Variants in RAVER1 observed in about 807,000 individuals in gnomAD.
RAVER1 encodes the protein ribonucleoprotein, PTB binding 1, also known as ribonucleoprotein PTB-binding 1.
RAVER1 carries 36 observed loss-of-function variants against 68.4 expected under a neutral mutation model. The ratio of observed to expected loss-of-function variants is 0.53; its 90% CI spans 0.40 to 0.70. The LOEUF (loss-of-function observed/expected upper bound fraction) is 0.70. Among genes scored for constraint, RAVER1 ranks in the 30% least tolerant of loss-of-function variants. The pLI is 0.00. For missense variants in RAVER1, 933 were observed against 1,019.8 expected (o/e 0.91, Z 1.16); for synonymous variants, 469 against 472.7 (o/e 0.99, Z 0.10).
Position 10,328,920 on chromosome 19 carries a change from G to A in RAVER1, c.478C>T (p.Arg160Cys), listed in dbSNP as rs909702698. 6.2e-6 allele frequency: 10 copies of A among 1,611,644 alleles called. No homozygotes were observed. The highest frequency in any genetic ancestry group is 1.3e-5 in the African/African-American group (1 of 75,046). ...ELVRPFGSLE[R>C]CFLVYSERTG... Reference sequence around the variant, plus strand: ...CGCTCACTGTAGACCAGGAAGCAGCGCTCCAGGCTGCCGAAGGGCCGCACC... The same window carrying A: ...CGCTCACTGTAGACCAGGAAGCAGCACTCCAGGCTGCCGAAGGGCCGCACC... The change falls in exon 3 of 13, where the codon CGC becomes TGC. Residue 160 changes from arginine (R) to cysteine (C), a missense_variant. Coordinates refer to ENST00000617231, the MANE Select transcript of RAVER1 (RefSeq NM_133452.3). The surrounding 1 kb of genome is among the most constrained non-coding windows in gnomAD (Gnocchi z 4.4).
intron 11 of RAVER1, 39 bp downstream of exon 11, chr19:10,318,190 G>T: frequency 6.4e-7 from 1 of 1,559,032 alleles, no homozygotes; most frequent in African/African-American, 1.4e-5. Context: ...AATCCTAGCT[G>T]TCCCAGGGGG....
Position 10,329,027 on chromosome 19 carries a change from G to A in RAVER1, c.371C>T (p.Ser124Leu), listed in dbSNP as rs765368953. 46 of 1,559,132 alleles carry A rather than the reference G, an allele frequency of 3.0e-5. No individual in the cohort carries two copies. The highest frequency in any genetic ancestry group is 3.7e-5 in the Admixed American group (2 of 54,480). Residue 124 changes from serine (S) to leucine (L), a missense_variant, in exon 3 of 13, where the codon TCG (serine) becomes TTG (leucine). Ser to Leu is a moderately radical substitution (Grantham distance 145). Coordinates refer to ENST00000617231, the MANE Select transcript of RAVER1 (RefSeq NM_133452.3). This position sits in a 1 kb window ranked among gnomAD's most constrained non-coding sequence, Gnocchi z 4.6. ...GGCATCCGTGGGCTGCAGCTGCACC[G>A]ACAGTTCACGCTCCCGCAGGCGGCT... ...HQSRLREREL[S>L]VQLQPTDALL...
intron 10 of RAVER1, 74 bp downstream of exon 10, chr19:10,319,092 G>A (rs2040415553): frequency 1.5e-6 from 2 of 1,368,904 alleles, no homozygotes; most frequent in Non-Finnish European, 2.1e-6. Context: ...GCTGTTCCAG[G>A]CTACTAAGTC....
At position 10,318,281 on chromosome 19, in the gene RAVER1, G is replaced by A; in HGVS notation, c.1937C>T (p.Ser646Phe). The A allele has an allele frequency of 6.2e-7, 1 of 1,605,510 alleles. No homozygotes were observed. The highest frequency in any genetic ancestry group is 2.3e-5 in the East Asian group (1 of 44,436). ...AGCCTGCAGGCCGCTGGTGAAGTAG[G>A]AAGTGGGCGAGCCTGAATAGAAGTG... is the stretch of plus-strand genomic sequence containing the variant. ...LSHFYSGSPT[S>F]YFTSGLQAGL... The change falls in exon 11 of 13, where the codon TCC (serine) becomes TTC (phenylalanine). Residue 646 changes from serine to phenylalanine, a missense_variant. Physicochemically the swap from Ser to Phe is radical, Grantham distance 155. Around this residue, in one of 3 missense-constraint regions of RAVER1, gnomAD observed 699 missense variants for 731.1 expected, o/e 0.96. Coordinates refer to ENST00000617231, the MANE Select transcript of RAVER1 (RefSeq NM_133452.3).
Position 10,316,464 on chromosome 19 carries a change from T to G in RAVER1, c.*990A>C. 2.0e-6 allele frequency: 2 copies of G among 995,594 alleles called. No homozygotes were observed. Among genetic ancestry groups the G allele is most frequent in the Non-Finnish European group, 2.4e-6 (2 of 836,466 alleles). The allele number at this position is 995,594 out of a possible 1,614,324, so 61.7% of individuals were successfully genotyped here. A position where few individuals can be genotyped will look rare whatever the true frequency, so the allele number is the denominator to read the frequency against. On this transcript the variant is annotated 3_prime_UTR_variant, in exon 13 of 13. Transcript: ENST00000617231. ...GGCACTGGGCTGGAAGGAGGCCAGC[T>G]CCAGGGATCTGGCCGGGGGTGGGCA...
At chr19:10,320,623 TAG>T (rs1491253593) in intron 9 of RAVER1, 30 bp downstream of exon 9, 1 of 1,501,362 alleles carries the variant, frequency 6.7e-7, no homozygotes, top group Non-Finnish European at 8.9e-7. Flanking sequence ...GATTTGGCCT[TAG>T]GGGACAGAGA....
chr19:10,319,689 T>G (rs1042684551), intron 9 of RAVER1, among the ~76,000 whole-genome samples: 12 of 151,784 alleles, frequency 7.9e-5, no homozygotes, highest in Admixed American at 7.9e-4. Context: ...TTCAAGTGAT[T>G]CTCCTGCCTC....
intron 1 of RAVER1, among the ~76,000 whole-genome samples, chr19:10,331,684 CAAAAAAAAAAAA>C (rs61614587): frequency 1.4e-5 from 1 of 73,314 alleles, no homozygotes; most frequent in Non-Finnish European, 2.4e-5. Flanking sequence ...GACTCCGTCT[CAAAAAAAAAAAA>C]AAAAAAAAAA....
At chr19:10,326,503 G>A (rs979067846) in intron 3 of RAVER1, among the ~76,000 whole-genome samples, 3 of 152,202 alleles carry the variant, frequency 2.0e-5, no homozygotes, top group South Asian at 2.1e-4. Context: ...GGAGTGCAGC[G>A]GCACGATCTC....
intron 3 of RAVER1, among the ~76,000 whole-genome samples, chr19:10,325,840 A>T (rs1395907543): frequency 6.6e-6 from 1 of 152,026 alleles, no homozygotes; most frequent in Non-Finnish European, 1.5e-5. Context: ...GGAGGAATGA[A>T]TGGGCAGCTG....
chr19:10,331,211 G>A (rs1199707796), intron 1 of RAVER1, among the ~76,000 whole-genome samples: 2 of 151,482 alleles, frequency 1.3e-5, no homozygotes, highest in African/African-American at 2.4e-5. Context: ...TTAGCCGGGC[G>A]CGGTGGCAGG....
intron 1 of RAVER1, among the ~76,000 whole-genome samples, chr19:10,331,663 C>T (rs1456476954): frequency 8.9e-6 from 1 of 112,364 alleles, no homozygotes; most frequent in Non-Finnish European, 1.6e-5. Flanking sequence ...TCTAGCCTGG[C>T]GACAGAGTGA....
chr19:10,323,785 C>T lies in RAVER1; in HGVS notation c.757-219G>A, dbSNP rs1013483669. ...TTTCTCAGAGAAGGCAACTGAGGCA[C>T]GGAGAGGTCAGCGCACCCAAGGCCA... On this transcript the variant is annotated intron_variant, in intron 3 of 12. Coordinates refer to ENST00000617231, the MANE Select transcript of RAVER1 (RefSeq NM_133452.3). The surrounding 1 kb of genome is among the most constrained non-coding windows in gnomAD (Gnocchi z 6.2). 5.3e-5 allele frequency among the ~76,000 whole-genome samples: 8 copies of T among 152,132 alleles called. No homozygotes were observed. The highest frequency in any genetic ancestry group is 2.1e-4 in the South Asian group (1 of 4,834).
At chr19:10,332,229 C>T (rs2040525620) in intron 1 of RAVER1, among the ~76,000 whole-genome samples, 1 of 152,142 alleles carries the variant, frequency 6.6e-6, no homozygotes, top group South Asian at 2.1e-4. Flanking sequence ...AACCCTTGGG[C>T]TCAATACAGC....
chr19:10,327,160 C>T, intron 3 of RAVER1, among the ~76,000 whole-genome samples: 1 of 152,100 alleles, frequency 6.6e-6, no homozygotes, highest in South Asian at 2.1e-4. Context: ...CCTGCCTCTG[C>T]CTCCCAACAG....
In RAVER1 at chr19:10,317,807, C is replaced by T; in HGVS notation, c.1990-34G>A. ...AATGGAGAGGTGGAACAGGTCACTC[C>T]CTGGGGGCCAGAGGAAGCACCCACC... On this transcript the variant is annotated intron_variant, in intron 11 of 12. Coordinates refer to ENST00000617231, the MANE Select transcript of RAVER1 (RefSeq NM_133452.3). The surrounding 1 kb of genome is among the most constrained non-coding windows in gnomAD (Gnocchi z 4.3). The T allele has an allele frequency of 7.6e-7, 1 of 1,322,116 alleles. No individual in the cohort carries two copies. The highest frequency in any genetic ancestry group is 1.1e-6 in the Non-Finnish European group (1 of 936,494). 81.9% of individuals were successfully genotyped at this position (1,322,116 alleles called of 1,614,324 possible). A position where few individuals can be genotyped will look rare whatever the true frequency, so the allele number is the denominator to read the frequency against.
Position 10,320,815 on chromosome 19 carries a change from C to A in RAVER1, c.1610G>T (p.Arg537Leu). The A allele has an allele frequency of 6.6e-7, 1 of 1,524,884 alleles. No homozygotes were observed. Among genetic ancestry groups the A allele is most frequent in the Non-Finnish European group, 8.7e-7 (1 of 1,143,754 alleles). 94.5% of individuals were successfully genotyped at this position (1,524,884 alleles called of 1,614,324 possible). Residue 537 changes from arginine (R) to leucine (L), a missense_variant, in exon 9 of 13, where the codon CGC becomes CTC. Transcript: ENST00000617231. ...GTTAGTTGGGGGGCCCTCAGCTGGG[C>A]GGCGGCTTCTCCCGGCGCCTCCCCA... ...RGWGGAGRSR[R>L]PAEGPPTNPP...
Position 10,317,141 on chromosome 19 carries a change from G to A in RAVER1, c.*313C>T. 2.4e-6 allele frequency: 1 copy of A among 414,576 alleles called. No individual in the cohort carries two copies. Among genetic ancestry groups the A allele is most frequent in the Non-Finnish European group, 4.3e-6 (1 of 230,822 alleles). 25.7% of individuals were successfully genotyped at this position (414,576 alleles called of 1,614,324 possible). On this transcript the variant is annotated 3_prime_UTR_variant, in exon 13 of 13. Transcript: ENST00000617231. This position sits in a 1 kb window ranked among gnomAD's most constrained non-coding sequence, Gnocchi z 4.3. ...AAGGCCAAAATTACAGGAGCAATGA[G>A]GCAGGAGGGCTCCGGAGAGACGGGC...
Position 10,323,525 on chromosome 19 carries a change from C to T in RAVER1, c.798G>A (p.Val266=). The T allele has an allele frequency of 6.2e-7, 1 of 1,605,340 alleles. No homozygotes were observed. The highest frequency in any genetic ancestry group is 8.5e-7 in the Non-Finnish European group (1 of 1,178,268). ...CCATCTCAGCCGTCTCATACTCCAGCACCGCGAAGCCCTTCAGCTGCCCAT... is the reference window on the plus strand; with the variant it reads ...CCATCTCAGCCGTCTCATACTCCAGTACCGCGAAGCCCTTCAGCTGCCCAT... ...GQDGQLKGFA[V]LEYETAEMAE... The change falls in exon 4 of 13, where the codon GTG becomes GTA. Residue 266 remains valine, a synonymous_variant. Coordinates refer to ENST00000617231, the MANE Select transcript of RAVER1 (RefSeq NM_133452.3). This position sits in a 1 kb window ranked among gnomAD's most constrained non-coding sequence, Gnocchi z 6.2.
Sources: allele counts gnomAD v4.1 joint callset (sites outside exome capture counted in the v4.1 genomes callset), GRCh38; gene constraint gnomAD v4.1.1; regional missense constraint gnomAD v4.1.1; non-coding constraint Gnocchi (gnomAD v3.1); transcripts MANE v1.5; gene names NCBI Gene and HGNC (gene_info 2026-07-23, HGNC 2026-07-21).